Variants in ZNF490 observed in about 807,000 individuals in gnomAD.
ZNF490 encodes zinc finger protein 490.
ZNF490 carries 11 observed loss-of-function variants against 17.7 expected under a neutral mutation model. The observed-to-expected ratio is 0.62, with a 90% CI of 0.39 to 1.03. The LOEUF (loss-of-function observed/expected upper bound fraction) is 1.03. ZNF490 is among the 50% of genes least tolerant of loss of function. ZNF490 has a pLI of 0.00. For missense variants in ZNF490, 542 were observed against 643.4 expected, an observed-to-expected ratio of 0.84 and a Z score of 1.71; for synonymous variants, 222 against 216.1, an observed-to-expected ratio of 1.03 and a Z score of -0.24.
At chr19:12,597,911 A>T (rs970239443) in intron 2 of ZNF490, among the ~76,000 whole-genome samples, 1 of 152,116 alleles carries the variant, frequency 6.6e-6, no homozygotes, top group East Asian at 1.9e-4. Context: ...CCTCTACAAA[A>T]TTAAAAATTA....
intron 2 of ZNF490, among the ~76,000 whole-genome samples, chr19:12,587,814 G>T (rs2145146784): frequency 1.1e-5 from 1 of 92,070 alleles, no homozygotes; most frequent in African/African-American, 3.3e-5. Context: ...TCCTGCCTCA[G>T]TCTCCTGAGT....
chr19:12,596,039 C>A (rs1469000259), intron 2 of ZNF490, among the ~76,000 whole-genome samples: 1 of 151,976 alleles, frequency 6.6e-6, no homozygotes, highest in Non-Finnish European at 1.5e-5. Context: ...CTGAGGCAGG[C>A]AGATCACTTG....
chr19:12,577,900 C>T lies in ZNF490; in HGVS notation c.*2585G>A. 1 of 985,494 alleles carries T rather than the reference C, an allele frequency of 1.0e-6. No individual in the cohort carries two copies. 61.0% of individuals were successfully genotyped at this position (985,494 alleles called of 1,614,324 possible). The stretch of plus-strand genomic sequence containing the variant: ...TAAGAAAAGGGGGGACTGACTCCAA[C>T]AAAGGACAGACCCGACCCCTATCGT... On this transcript the variant is annotated 3_prime_UTR_variant, in exon 5 of 5. Coordinates refer to ENST00000311437, the MANE Select transcript of ZNF490 (RefSeq NM_020714.3).
intron 2 of ZNF490, among the ~76,000 whole-genome samples, chr19:12,596,581 G>A (rs1172435654): frequency 6.6e-6 from 1 of 152,180 alleles, no homozygotes; most frequent in African/African-American, 2.4e-5. Context: ...TCAGGAGGCT[G>A]AGGCGGGAGG....
At chr19:12,583,665 G>A in intron 2 of ZNF490, 109 bp from the exon 3 acceptor site, 11 of 1,199,678 alleles carry the variant, frequency 9.2e-6, no homozygotes, top group South Asian at 3.5e-5. Context: ...TCTCGGTTTA[G>A]TGGTATAACT....
rs143742994 is a variant in ZNF490, at chr19:12,585,778, C to T, written c.163-2222G>A. On this transcript the variant is annotated intron_variant, in intron 2 of 4. Transcript: ENST00000311437. ...AATCTTGGCTCACTACAACCCCTGC[C>T]TCCAGCATTCAAGCAGTTCTCCTGC... Among the ~76,000 whole-genome samples, 77 of 93,384 alleles carry T rather than the reference C, an allele frequency of 8.2e-4. 32 individuals carry two copies. The highest frequency in any genetic ancestry group is 0.011 in the Middle Eastern group (2 of 176). The allele number at this position is 93,384 out of a possible 152,430, so 61.3% of individuals were successfully genotyped here.
At chr19:12,599,680 C>T (rs2145160564) in intron 2 of ZNF490, among the ~76,000 whole-genome samples, 1 of 152,298 alleles carries the variant, frequency 6.6e-6, no homozygotes, top group South Asian at 2.1e-4. Context: ...CTGGAAAAAA[C>T]AGTTTTACAT....
At position 12,578,973 on chromosome 19, in the gene ZNF490, G is replaced by T; in HGVS notation, c.*1512C>A. Reference sequence around the variant, plus strand: ...TTCATGGTTTTAAAATGAACTGGAGGCCGGGCGCGGTGGCTCACGCCTATA... The same window carrying T: ...TTCATGGTTTTAAAATGAACTGGAGTCCGGGCGCGGTGGCTCACGCCTATA... On this transcript the variant is annotated 3_prime_UTR_variant, in exon 5 of 5. Transcript: ENST00000311437. 8 of 985,576 alleles carry T rather than the reference G, an allele frequency of 8.1e-6. No homozygotes were observed. The highest frequency in any genetic ancestry group is 9.6e-6 in the Non-Finnish European group (8 of 830,054). The allele number at this position is 985,576 out of a possible 1,614,324, so 61.1% of individuals were successfully genotyped here.
chr19:12,599,858 G>A (rs1014362145), intron 2 of ZNF490, among the ~76,000 whole-genome samples: 4 of 152,136 alleles, frequency 2.6e-5, no homozygotes, highest in African/African-American at 7.2e-5. Context: ...GAAATTCTGT[G>A]TGTAAACATA....
At chr19:12,589,914 T>TATGTATG (rs1568279795) in intron 2 of ZNF490, among the ~76,000 whole-genome samples, 1 of 32,458 alleles carries the variant, frequency 3.1e-5, no homozygotes, top group Non-Finnish European at 1.2e-4. Flanking sequence ...ATGTATGTAT[T>TATGTATG]TATTTATTTA....
Position 12,581,538 on chromosome 19 carries a change from A to T in ZNF490, c.537T>A (p.Thr179=), listed in dbSNP as rs768469847. 1.9e-6 allele frequency: 3 copies of T among 1,614,126 alleles called. No homozygotes were observed. The highest frequency in any genetic ancestry group is 2.5e-6 in the Non-Finnish European group (3 of 1,180,020). ...VSLNRHMRSH[T]EQKPNECHEY... ...CGTGACACTCATTTGGTTTCTGTTC[A>T]GTGTGAGATCTCATGTGCCTATTAA... Residue 179 remains threonine (T), a synonymous_variant, in exon 5 of 5, where the codon ACT becomes ACA. Coordinates refer to ENST00000311437, the MANE Select transcript of ZNF490 (RefSeq NM_020714.3).
At position 12,599,698 on chromosome 19, in the gene ZNF490, G is replaced by A. The variant is rs140191884; in HGVS notation, c.162+9460C>T. On this transcript the variant is annotated intron_variant, in intron 2 of 4. Coordinates refer to ENST00000311437, the MANE Select transcript of ZNF490 (RefSeq NM_020714.3). The stretch of plus-strand genomic sequence containing the variant: ...GAAAAAACAGTTTTACATGCAAGGT[G>A]TGTAAGGAAAGTAGAGTATACTTTT... Among the ~76,000 whole-genome samples the A allele has an allele frequency of 2.6e-5, 4 of 152,318 alleles. No individual in the cohort carries two copies. In the East Asian group the frequency reaches 7.7e-4, roughly 29 times the overall value.
intron 2 of ZNF490, among the ~76,000 whole-genome samples, chr19:12,597,997 G>C (rs1457241700): frequency 6.6e-6 from 1 of 152,146 alleles, no homozygotes; most frequent in Non-Finnish European, 1.5e-5. Context: ...AGGCCGAGGC[G>C]GGCGGATCAC....
intron 2 of ZNF490, among the ~76,000 whole-genome samples, chr19:12,606,281 C>T (rs758704436): frequency 4.6e-5 from 7 of 151,466 alleles, no homozygotes; most frequent in Non-Finnish European, 5.9e-5. Context: ...TAGCCTCCAA[C>T]TCTTGGACTC....
chr19:12,581,480 A>G lies in ZNF490; in HGVS notation c.595T>C (p.Cys199Arg). The G allele has an allele frequency of 3.7e-6, 6 of 1,614,220 alleles. No individual in the cohort carries two copies. Among genetic ancestry groups the G allele is most frequent in the Non-Finnish European group, 5.1e-6 (6 of 1,180,042 alleles). Residue 199 changes from cysteine (C) to arginine (R), a missense_variant, in exon 5 of 5, where the codon TGT becomes CGT. Transcript: ENST00000311437. ...YGEKPHKCKE[C>R]GKTFTRSSSI... ...GAGCTGCGAGTGAAGGTTTTCCCAC[A>G]TTCTTTGCATTTATGTGGCTTCTCT...
chr19:12,599,848 G>A (rs1720951760), intron 2 of ZNF490, among the ~76,000 whole-genome samples: 1 of 152,104 alleles, frequency 6.6e-6, no homozygotes, highest in Non-Finnish European at 1.5e-5. Context: ...GATTGTAAAA[G>A]AAATTCTGTG....
chr19:12,607,259 C>T (rs960157443), intron 2 of ZNF490, among the ~76,000 whole-genome samples: 2 of 150,896 alleles, frequency 1.3e-5, no homozygotes, highest in East Asian at 3.9e-4. Flanking sequence ...GGCATGATCT[C>T]GGCTCACTGC....
At position 12,583,567 on chromosome 19, in the gene ZNF490, C is replaced by T. The variant is rs184732093; in HGVS notation, c.163-11G>A. 20 of 1,579,996 alleles carry T rather than the reference C, an allele frequency of 1.3e-5. No homozygotes were observed. In the East Asian group the frequency reaches 4.4e-4, roughly 35 times the overall value. On this transcript the variant is annotated splice_polypyrimidine_tract_variant and intron_variant, in intron 2 of 4. Transcript: ENST00000311437. ...AAGGGAGATGGAGTCCTAAAACATC[C>T]CCCATGTGTGTTTAGGAGGAGGAGA...
At chr19:12,601,426 C>T (rs949573226) in intron 2 of ZNF490, among the ~76,000 whole-genome samples, 1 of 151,814 alleles carries the variant, frequency 6.6e-6, no homozygotes, top group Non-Finnish European at 1.5e-5. Flanking sequence ...GGGTCTCACT[C>T]TGTCACCCAG....
Sources: allele counts gnomAD v4.1 joint callset (sites outside exome capture counted in the v4.1 genomes callset), GRCh38; gene constraint gnomAD v4.1.1; transcripts MANE v1.5; gene names NCBI Gene and HGNC (gene_info 2026-07-23, HGNC 2026-07-21).